The following DYNC2H1 variants were observed in gnomAD, a reference collection of about 807,000 sequenced individuals.
DYNC2H1 encodes the protein cytoplasmic dynein 2 heavy chain 1.
Under a neutral mutation model 570.0 loss-of-function variants are expected in DYNC2H1, and 410 were observed. The ratio of observed to expected loss-of-function variants is 0.72; its 90% CI spans 0.66 to 0.78. DYNC2H1 has a LOEUF of 0.78. DYNC2H1 is among the 30% of genes least tolerant of loss of function. The pLI, the probability that DYNC2H1 is intolerant of heterozygous loss-of-function variation, is 0.00. For missense variants in DYNC2H1, 4,865 were observed against 5,046.4 expected (o/e 0.96, Z 1.09); for synonymous variants, 1,688 against 1,677.6 (o/e 1.01, Z -0.15).
chr11:103,173,446 C>A, intron 35 of DYNC2H1, 141 bp downstream of exon 35: 1 of 557,980 alleles, frequency 1.8e-6, no homozygotes, highest in Non-Finnish European at 2.8e-6. Context: ...TATAGTGTAG[C>A]TATGAAAGGC....
At chr11:103,194,854 A>G (rs1862459421) in intron 47 of DYNC2H1, among the ~76,000 whole-genome samples, 1 of 152,076 alleles carries the variant, frequency 6.6e-6, no homozygotes, top group Non-Finnish European at 1.5e-5. Context: ...AGTAGCTGGG[A>G]TTACAGGCGT....
chr11:103,418,439 A>G (rs1324006121), intron 84 of DYNC2H1, among the ~76,000 whole-genome samples: 1 of 152,236 alleles, frequency 6.6e-6, no homozygotes, highest in Non-Finnish European at 1.5e-5. Flanking sequence ...TACACACTGA[A>G]AACTATAAAA....
In DYNC2H1 at chr11:103,264,749, C is replaced by G. The variant is rs1419625431; in HGVS notation, c.10695+4772C>G. Reference sequence around the variant, plus strand: ...AGCCAATGTCATACCGAATGTGAATCAATATCAGTATCATACTGAATGGGC... The same window carrying G: ...AGCCAATGTCATACCGAATGTGAATGAATATCAGTATCATACTGAATGGGC... On this transcript the variant is annotated intron_variant, in intron 70 of 88. Coordinates refer to ENST00000375735, the MANE Select transcript of DYNC2H1 (RefSeq NM_001377.3). The surrounding 1 kb of genome is among the most constrained non-coding windows in gnomAD (Gnocchi z 4.8). Among the ~76,000 whole-genome samples the G allele has an allele frequency of 6.6e-6, 1 of 152,144 alleles. No homozygotes were observed. Among genetic ancestry groups the G allele is most frequent in the East Asian group, 1.9e-4 (1 of 5,180 alleles).
intron 82 of DYNC2H1, among the ~76,000 whole-genome samples, chr11:103,329,618 T>C (rs963409896): frequency 4.0e-4 from 61 of 152,272 alleles, no homozygotes; most frequent in African/African-American, 1.4e-3. Flanking sequence ...TAGAAGAAAC[T>C]GAAGCATGTT....
intron 29 of DYNC2H1, among the ~76,000 whole-genome samples, chr11:103,162,482 T>A (rs1861137977): frequency 6.6e-6 from 1 of 152,204 alleles, no homozygotes; most frequent in Admixed American, 6.5e-5. Context: ...AAAATACATT[T>A]TTTTTCACTT....
chr11:103,215,674 A>G, intron 54 of DYNC2H1, 47 bp from the exon 55 acceptor site: 1 of 1,393,586 alleles, frequency 7.2e-7, no homozygotes. Context: ...CTGTGTGTGT[A>G]AAATTCCTTT....
intron 84 of DYNC2H1, among the ~76,000 whole-genome samples, chr11:103,416,779 A>G (rs879030369): frequency 8.1e-6 from 1 of 123,382 alleles, no homozygotes; most frequent in African/African-American, 3.4e-5. Flanking sequence ...GCCAAAATTG[A>G]CAAATGGGAT....
At chr11:103,430,278 A>T (rs1943840855) in intron 84 of DYNC2H1, among the ~76,000 whole-genome samples, 2 of 152,132 alleles carry the variant, frequency 1.3e-5, no homozygotes, top group Non-Finnish European at 2.9e-5. Context: ...CTTTCTCTAC[A>T]TCAGTTTCCA....
At position 103,245,265 on chromosome 11, in the gene DYNC2H1, C is replaced by T. The variant is rs745405817; in HGVS notation, c.9933C>T (p.Ile3311=). 26 of 1,540,984 alleles carry T rather than the reference C, an allele frequency of 1.7e-5. No homozygotes were observed. In the South Asian group the frequency reaches 2.6e-4, roughly 15 times the overall value. Residue 3311 remains isoleucine (I), a synonymous_variant, in exon 65 of 89, where the codon ATC becomes ATT. Coordinates refer to ENST00000375735, the MANE Select transcript of DYNC2H1 (RefSeq NM_001377.3). This position sits in a 1 kb window ranked among gnomAD's most constrained non-coding sequence, Gnocchi z 4.5. ...EVINQQDSNF[I]TALELAVRFG... The stretch of plus-strand genomic sequence containing the variant: ...TATTCAATTAGGATAGTAACTTTAT[C>T]ACAGCTCTTGAATTAGCAGTACGTT...
intron 75 of DYNC2H1, among the ~76,000 whole-genome samples, chr11:103,302,832 A>C (rs1867104462): frequency 6.6e-6 from 1 of 152,074 alleles, no homozygotes; most frequent in Admixed American, 6.6e-5. Context: ...TAAATGTGGT[A>C]ATCAGGGTAC....
intron 57 of DYNC2H1, among the ~76,000 whole-genome samples, chr11:103,221,739 C>G (rs536267009): frequency 6.6e-6 from 1 of 152,146 alleles, no homozygotes; most frequent in Non-Finnish European, 1.5e-5. Flanking sequence ...ACCTGTGGTC[C>G]CAGCTACTTG....
At position 103,433,909 on chromosome 11, in the gene DYNC2H1, A is replaced by G. The variant is rs193092179; in HGVS notation, c.12367-2034A>G. 2.4e-4 allele frequency among the ~76,000 whole-genome samples: 37 copies of G among 152,262 alleles called. No homozygotes were observed. The East Asian group carries it at 5.4e-3, about 22-fold the overall frequency. ...TAGGACAGGCATAGGGTAACTGCAA[A>G]GACATTCCTATTCAAAAAGGGAAGA... On this transcript the variant is annotated intron_variant, in intron 84 of 88. Coordinates refer to ENST00000375735, the MANE Select transcript of DYNC2H1 (RefSeq NM_001377.3).
chr11:103,180,091 A>C (rs1165161930), intron 39 of DYNC2H1, among the ~76,000 whole-genome samples: 2 of 151,674 alleles, frequency 1.3e-5, no homozygotes, highest in Admixed American at 6.6e-5. Flanking sequence ...CAGAAGCTTC[A>C]ATTGATATTT....
chr11:103,399,270 G>A (rs7952076), intron 83 of DYNC2H1, among the ~76,000 whole-genome samples: 75,449 of 148,464 alleles, frequency 0.51, 19,500 homozygotes, highest in African/African-American at 0.61. Context: ...AACCTCTTGA[G>A]TGGCTGTGGT....
At chr11:103,471,745 G>A (rs772499417) in intron 88 of DYNC2H1, among the ~76,000 whole-genome samples, 12 of 152,156 alleles carry the variant, frequency 7.9e-5, no homozygotes, top group African/African-American at 1.2e-4. Context: ...CTGGGGTTAC[G>A]AAGATAAACA....
At position 103,185,055 on chromosome 11, in the gene DYNC2H1, A is replaced by T. The variant is rs140033218; in HGVS notation, c.6633+4A>T. On this transcript the variant is annotated splice_donor_region_variant and intron_variant, in intron 41 of 88. Coordinates refer to ENST00000375735, the MANE Select transcript of DYNC2H1 (RefSeq NM_001377.3). The surrounding 1 kb of genome is among the most constrained non-coding windows in gnomAD (Gnocchi z 4.5). ...ACGTTTGGAATTTACCAAAGAGGTA[A>T]TGCATATTTATAGCCTATATTTAGT... 3.8e-5 allele frequency: 61 copies of T among 1,608,668 alleles called. No individual in the cohort carries two copies. The East Asian group carries it at 1.3e-3, about 35-fold the overall frequency.
intron 85 of DYNC2H1, among the ~76,000 whole-genome samples, chr11:103,449,374 A>G (rs899130708): frequency 6.6e-6 from 1 of 152,212 alleles, no homozygotes; most frequent in Admixed American, 6.5e-5. Context: ...TGCAGGAAGG[A>G]AGGCCAACAG....
intron 55 of DYNC2H1, among the ~76,000 whole-genome samples, chr11:103,218,565 A>G (rs951220291): frequency 3.9e-5 from 6 of 152,178 alleles, no homozygotes; most frequent in African/African-American, 1.4e-4. Context: ...AAAAGTAAAC[A>G]CTATGTAAAG....
At chr11:103,350,704 A>G (rs1469996623) in intron 82 of DYNC2H1, among the ~76,000 whole-genome samples, 1 of 152,136 alleles carries the variant, frequency 6.6e-6, no homozygotes, top group African/African-American at 2.4e-5. Context: ...CTGCTCTTCC[A>G]GGCTTGTAGA....
Sources: allele counts gnomAD v4.1 joint callset (sites outside exome capture counted in the v4.1 genomes callset), GRCh38; gene constraint gnomAD v4.1.1; non-coding constraint Gnocchi (gnomAD v3.1); transcripts MANE v1.5; gene names NCBI Gene and HGNC (gene_info 2026-07-23, HGNC 2026-07-21).